The following WDR70 variants were observed in gnomAD, a reference collection of about 807,000 sequenced individuals.
WDR70 encodes WD repeat domain 70.
WDR70 carries 53 observed loss-of-function variants against 88.6 expected under a neutral mutation model. The ratio of observed to expected loss-of-function variants is 0.60; its 90% CI spans 0.48 to 0.75. WDR70 has a LOEUF of 0.75. Ranked by LOEUF, WDR70 falls within the 30% of genes least tolerant of loss-of-function variation. WDR70 has a pLI of 0.00. For synonymous variants in WDR70, 280 were observed against 270.0 expected (o/e 1.04, Z -0.36); for missense variants, 610 against 823.2 (o/e 0.74, Z 3.17).
chr5:37,602,552 G>A (rs548901116), intron 9 of WDR70, among the ~76,000 whole-genome samples: 1 of 151,886 alleles, frequency 6.6e-6, no homozygotes, highest in South Asian at 2.1e-4. Flanking sequence ...CTTGAACCTG[G>A]GAGGCGGAGG....
intron 5 of WDR70, among the ~76,000 whole-genome samples, chr5:37,432,859 G>A (rs990434105): frequency 2.0e-5 from 3 of 152,050 alleles, no homozygotes; most frequent in African/African-American, 7.2e-5. Flanking sequence ...CACCGCACCC[G>A]GCCTTTTGCT....
At chr5:37,554,715 A>G (rs1380627348) in intron 9 of WDR70, among the ~76,000 whole-genome samples, 2 of 150,828 alleles carry the variant, frequency 1.3e-5, no homozygotes, top group African/African-American at 2.4e-5. Flanking sequence ...CATTTTAAAT[A>G]GACAGGGTAT....
Position 37,451,991 on chromosome 5 carries a change from T to TCAACAA in WDR70, c.686+8638_686+8643dup, listed in dbSNP as rs542435647. 7.9e-3 allele frequency among the ~76,000 whole-genome samples: 1,206 copies of TCAACAA among 151,960 alleles called. 20 individuals carry two copies. Among genetic ancestry groups the TCAACAA allele is most frequent in the African/African-American group, 0.028 (1,143 of 41,442 alleles). On this transcript the variant is annotated intron_variant, in intron 7 of 17. Transcript: ENST00000265107. ...CCTGGCAACAGAGTGAGACTCCATC[T>TCAACAA]CAACAACAACAACAACAACAACAAA...
chr5:37,625,575 A>G (rs1333497727), intron 10 of WDR70, among the ~76,000 whole-genome samples: 1 of 151,934 alleles, frequency 6.6e-6, no homozygotes, highest in Non-Finnish European at 1.5e-5. Flanking sequence ...CTTAGGCTGG[A>G]GTGCAGTGGT....
chr5:37,441,854 C>G (rs925866671), intron 6 of WDR70, among the ~76,000 whole-genome samples: 9 of 151,998 alleles, frequency 5.9e-5, no homozygotes, highest in African/African-American at 2.2e-4. Context: ...GATTCTTTTA[C>G]TGTGTCCAAT....
At position 37,721,222 on chromosome 5, in the gene WDR70, C is replaced by A. The variant is rs374728412; in HGVS notation, c.1517+7C>A. On this transcript the variant is annotated splice_region_variant and intron_variant, in intron 14 of 17. Coordinates refer to ENST00000265107, the MANE Select transcript of WDR70 (RefSeq NM_018034.4). ...ACCCCAACAAGAGTCAGAGGTATTT[C>A]ATAAGTATTGCCTGTTTTAGATGGA... The A allele has an allele frequency of 1.7e-4, 276 of 1,612,218 alleles. No individual in the cohort carries two copies. The highest frequency in any genetic ancestry group is 2.1e-4 in the Non-Finnish European group (252 of 1,178,620).
At chr5:37,556,154 T>C (rs76718045) in intron 9 of WDR70, among the ~76,000 whole-genome samples, 85,966 of 149,542 alleles carry the variant, frequency 0.57, 26,695 homozygotes, top group Non-Finnish European at 0.69. Flanking sequence ...TTTTTTTTTT[T>C]CAAAAAGCAT....
chr5:37,410,063 A>C (rs1749475184), intron 5 of WDR70, among the ~76,000 whole-genome samples: 1 of 145,374 alleles, frequency 6.9e-6, no homozygotes, highest in Non-Finnish European at 1.5e-5. Context: ...TTTTTTTTTT[A>C]AGAGATAGGG....
intron 10 of WDR70, among the ~76,000 whole-genome samples, chr5:37,692,945 A>G (rs1279218912): frequency 6.6e-6 from 1 of 152,222 alleles, no homozygotes; most frequent in African/African-American, 2.4e-5. Context: ...TGCAGATGAC[A>G]TGATTGTATA....
intron 10 of WDR70, among the ~76,000 whole-genome samples, chr5:37,667,373 C>T (rs1016914420): frequency 6.6e-6 from 1 of 152,122 alleles, no homozygotes; most frequent in Non-Finnish European, 1.5e-5. Context: ...GTATGTTTTA[C>T]TGCACTGAAT....
At chr5:37,739,202 G>A (rs1384985153) in intron 17 of WDR70, among the ~76,000 whole-genome samples, 1 of 152,186 alleles carries the variant, frequency 6.6e-6, no homozygotes. Flanking sequence ...CCAGTATATG[G>A]AATAGTCTGG....
In WDR70 at chr5:37,419,789, A is replaced by G. The variant is rs1035973750; in HGVS notation, c.493-18133A>G. Among the ~76,000 whole-genome samples, 3 of 152,076 alleles carry G rather than the reference A, an allele frequency of 2.0e-5. No homozygotes were observed. In the East Asian group the frequency reaches 5.8e-4, roughly 30 times the overall value. On this transcript the variant is annotated intron_variant, in intron 5 of 17. Coordinates refer to ENST00000265107, the MANE Select transcript of WDR70 (RefSeq NM_018034.4). ...GCGCCATTGCACTCCAGTCTGGGCG[A>G]CACAACGAGACTCTGTCTCAAAAAC...
intron 4 of WDR70, 127 bp from the exon 5 acceptor site, chr5:37,396,248 T>G (rs1180887937): frequency 7.6e-7 from 1 of 1,314,266 alleles, no homozygotes; most frequent in East Asian, 2.6e-5. Flanking sequence ...GAACTACAAA[T>G]TTAAAAAAAT....
chr5:37,598,729 C>G (rs1309780896), intron 9 of WDR70, among the ~76,000 whole-genome samples: 20 of 152,120 alleles, frequency 1.3e-4, no homozygotes. Flanking sequence ...AGATATCTGT[C>G]AAAACATTTT....
In WDR70 at chr5:37,521,740, A is replaced by ACC. The variant is rs1554146348; in HGVS notation, c.917+5152_917+5153dup. Among the ~76,000 whole-genome samples, 528 of 131,266 alleles carry ACC rather than the reference A, an allele frequency of 4.0e-3. 7 individuals carry two copies. The highest frequency in any genetic ancestry group is 1.0e-2 in the African/African-American group (346 of 34,696). The allele number at this position is 131,266 out of a possible 152,430, so 86.1% of individuals were successfully genotyped here. A position where few individuals can be genotyped will look rare whatever the true frequency, so the allele number is the denominator to read the frequency against. ...CACACACACACACACACACACACAC[A>ACC]CCCACATGTTCTTTATCAACTTGTT... On this transcript the variant is annotated intron_variant, in intron 9 of 17. Coordinates refer to ENST00000265107, the MANE Select transcript of WDR70 (RefSeq NM_018034.4).
intron 9 of WDR70, among the ~76,000 whole-genome samples, chr5:37,540,756 A>G (rs1165019947): frequency 1.3e-5 from 2 of 152,230 alleles, no homozygotes; most frequent in East Asian, 1.9e-4. Context: ...ATTCTTTTAC[A>G]TGATTTTAAG....
At chr5:37,705,008 T>G (rs1431708313) in intron 13 of WDR70, among the ~76,000 whole-genome samples, 1 of 151,600 alleles carries the variant, frequency 6.6e-6, no homozygotes, top group Non-Finnish European at 1.5e-5. Context: ...AGCCAGAAAT[T>G]TATAATTTGG....
At position 37,701,083 on chromosome 5, in the gene WDR70, C is replaced by T. The variant is rs563080695; in HGVS notation, c.1218C>T (p.Asp406=). The change falls in exon 12 of 18, where the codon GAC becomes GAT. Residue 406 remains aspartate, a synonymous_variant. Transcript: ENST00000265107. ...GTGACGATTCATTAAAATTATGGGA[C>T]ATCCGACAATTTAATAAACCACTTT... ...RGGDDSLKLW[D]IRQFNKPLFS... The T allele has an allele frequency of 2.0e-5, 33 of 1,611,688 alleles. No homozygotes were observed. Among genetic ancestry groups the T allele is most frequent in the Non-Finnish European group, 2.6e-5 (31 of 1,178,134 alleles).
At chr5:37,634,553 T>C (rs370742869) in intron 10 of WDR70, among the ~76,000 whole-genome samples, 5 of 152,160 alleles carry the variant, frequency 3.3e-5, no homozygotes, top group East Asian at 3.8e-4. Flanking sequence ...TTTTTAGAAA[T>C]GACTTTGTTC....
Sources: gnomAD v4.1 joint callset for allele counts (sites outside exome capture counted in the v4.1 genomes callset) on GRCh38, gnomAD v4.1.1 for gene constraint, MANE v1.5 for transcripts, NCBI Gene and HGNC (gene_info 2026-07-23, HGNC 2026-07-21) for gene names.